Variants in KIRREL3 observed in about 807,000 individuals in gnomAD.
KIRREL3 encodes kirre like nephrin family adhesion molecule 3, also known as kin of IRRE-like protein 3.
In KIRREL3, 36 loss-of-function variants were observed where a neutral mutation model predicts 89.7. The ratio of observed to expected loss-of-function variants is 0.40; its 90% CI spans 0.31 to 0.53. KIRREL3 has a LOEUF of 0.53. KIRREL3 is among the 20% of genes least tolerant of loss of function. The probability of loss-of-function intolerance (pLI) is 0.49; values close to 1 mark genes in which losing one functional copy is unlikely to be tolerated. For synonymous variants in KIRREL3, 445 were observed against 441.4 expected, an observed-to-expected ratio of 1.01 and a Z score of -0.10; for missense variants, 864 against 1,056.6, an observed-to-expected ratio of 0.82 and a Z score of 2.53.
chr11:126,449,847 G>A (rs750330450), intron 7 of KIRREL3, among the ~76,000 whole-genome samples: 5 of 152,122 alleles, frequency 3.3e-5, no homozygotes, highest in African/African-American at 7.2e-5. Context: ...GTGTCTCCTC[G>A]CCCCAGAAAG....
intron 4 of KIRREL3, among the ~76,000 whole-genome samples, chr11:126,493,019 G>A (rs1357077331): frequency 6.6e-6 from 1 of 152,252 alleles, no homozygotes; most frequent in Non-Finnish European, 1.5e-5. Context: ...GCAGGAATTG[G>A]CACTGCTTGT....
Position 126,551,985 on chromosome 11 carries a change from C to G in KIRREL3, c.133+10850G>C, listed in dbSNP as rs972697605. ...AGATTTGAAGAAAAGATTCCAAAACCAGGAGTGGTCCCAGCAAACACAGCT... is the reference window on the plus strand; with the variant it reads ...AGATTTGAAGAAAAGATTCCAAAACGAGGAGTGGTCCCAGCAAACACAGCT... On this transcript the variant is annotated intron_variant, in intron 2 of 16. Coordinates refer to ENST00000525144, the MANE Select transcript of KIRREL3 (RefSeq NM_032531.4). This position sits in a 1 kb window ranked among gnomAD's most constrained non-coding sequence, Gnocchi z 4.9. Among the ~76,000 whole-genome samples the G allele has an allele frequency of 4.6e-5, 7 of 152,202 alleles. No individual in the cohort carries two copies. The highest frequency in any genetic ancestry group is 1.3e-4 in the Admixed American group (2 of 15,274).
chr11:126,517,798 AT>A (rs1958466217), intron 4 of KIRREL3, among the ~76,000 whole-genome samples: 1 of 152,086 alleles, frequency 6.6e-6, no homozygotes, highest in Non-Finnish European at 1.5e-5. Flanking sequence ...ACCACCTCTC[AT>A]TTTACAGATG....
chr11:126,929,957 C>A (rs34867739), intron 1 of KIRREL3, among the ~76,000 whole-genome samples: 48,079 of 151,126 alleles, frequency 0.32, 7,972 homozygotes, highest in East Asian at 0.46. Context: ...CACCCCCCCC[C>A]CCCCACCTCA....
At chr11:126,626,099 A>G (rs764259076) in intron 1 of KIRREL3, among the ~76,000 whole-genome samples, 10 of 152,208 alleles carry the variant, frequency 6.6e-5, no homozygotes, top group Admixed American at 3.9e-4. Context: ...GACTATCAGT[A>G]GGGTATAGGG....
chr11:126,921,612 A>T (rs1485167388), intron 1 of KIRREL3, among the ~76,000 whole-genome samples: 2 of 38,084 alleles, frequency 5.3e-5, no homozygotes, highest in African/African-American at 2.1e-4. Flanking sequence ...CTATCTATCT[A>T]TCTATCTATC....
rs574591523 is a variant in KIRREL3 at position 126,946,951 on chromosome 11, C to A, written c.55+53504G>T. 1.1e-3 allele frequency among the ~76,000 whole-genome samples: 166 copies of A among 152,114 alleles called. 1 individual carries two copies. Among genetic ancestry groups the A allele is most frequent in the Non-Finnish European group, 2.1e-3 (140 of 68,008 alleles). On this transcript the variant is annotated intron_variant, in intron 1 of 16. Transcript: ENST00000525144. This position sits in a 1 kb window ranked among gnomAD's most constrained non-coding sequence, Gnocchi z 4.1. ...AGGCATTGAGTGGTTAAATAACTTC[C>A]TAGGCACACTGCTTGCAAATGGCAG...
intron 6 of KIRREL3, 135 bp from the exon 7 acceptor site, chr11:126,456,589 G>A: frequency 3.2e-6 from 2 of 620,446 alleles, no homozygotes; most frequent in South Asian, 3.9e-5. Flanking sequence ...GTGGTCTTCA[G>A]GAAGCTGGGG....
At chr11:126,921,853 A>G (rs1947330623) in intron 1 of KIRREL3, among the ~76,000 whole-genome samples, 2 of 138,624 alleles carry the variant, frequency 1.4e-5, no homozygotes, top group Non-Finnish European at 3.1e-5. Context: ...TCTATCATCT[A>G]TCTTTCTGTC....
intron 4 of KIRREL3, among the ~76,000 whole-genome samples, chr11:126,497,489 C>CA (rs1340300748): frequency 6.6e-6 from 1 of 152,234 alleles, no homozygotes; most frequent in Admixed American, 6.5e-5. Flanking sequence ...CACCAGCCTA[C>CA]AGTGGCCGCA....
intron 1 of KIRREL3, among the ~76,000 whole-genome samples, chr11:126,926,801 C>T (rs1364816066): frequency 6.6e-6 from 1 of 152,172 alleles, no homozygotes; most frequent in African/African-American, 2.4e-5. Context: ...AAAATGAAAG[C>T]AAAGGAGAAA....
intron 5 of KIRREL3, among the ~76,000 whole-genome samples, chr11:126,467,318 G>T (rs1368167805): frequency 2.6e-5 from 4 of 152,210 alleles, no homozygotes; most frequent in Admixed American, 2.6e-4. Flanking sequence ...GGCCTGGGAG[G>T]CCGGTCTTCC....
intron 10 of KIRREL3, chr11:126,440,934 G>A (rs535154641): frequency 7.6e-6 from 2 of 261,940 alleles, no homozygotes; most frequent in African/African-American, 2.2e-5. Flanking sequence ...GAGGGGGTGG[G>A]GAGGTGTCTA....
chr11:126,979,245 G>A (rs932292101), intron 1 of KIRREL3, among the ~76,000 whole-genome samples: 3 of 152,188 alleles, frequency 2.0e-5, no homozygotes, highest in Non-Finnish European at 2.9e-5. Flanking sequence ...AGAAATGAGA[G>A]TATGAGTTTC....
intron 4 of KIRREL3, among the ~76,000 whole-genome samples, chr11:126,481,621 C>A (rs979697512): frequency 6.6e-6 from 1 of 152,208 alleles, no homozygotes; most frequent in African/African-American, 2.4e-5. Context: ...TCTCAGTCAC[C>A]CTGTCTTGCC....
chr11:126,679,664 G>T (rs968796175), intron 1 of KIRREL3, among the ~76,000 whole-genome samples: 2 of 152,140 alleles, frequency 1.3e-5, no homozygotes, highest in East Asian at 1.9e-4. Flanking sequence ...CTTAAAGTCT[G>T]GTTGGCATAA....
rs1565492012 is a variant in KIRREL3, at chr11:126,485,728, T to C, written c.434-12262A>G. On this transcript the variant is annotated intron_variant, in intron 4 of 16. Transcript: ENST00000525144. This position sits in a 1 kb window ranked among gnomAD's most constrained non-coding sequence, Gnocchi z 5.8. ...ATGGGCTTGTTTCCACCTCTTGTTC[T>C]GCTATTACCTTGTTCCATGCCCAGC... 6.6e-6 allele frequency among the ~76,000 whole-genome samples: 1 copy of C among 152,386 alleles called. No homozygotes were observed. Among genetic ancestry groups the C allele is most frequent in the East Asian group, 1.9e-4 (1 of 5,192 alleles).
At chr11:126,707,505 T>G (rs899205682) in intron 1 of KIRREL3, among the ~76,000 whole-genome samples, 1 of 152,166 alleles carries the variant, frequency 6.6e-6, no homozygotes, top group Non-Finnish European at 1.5e-5. Flanking sequence ...CCCAGGTATA[T>G]ATTTGGGCCT....
rs78266269 is a variant in KIRREL3, at chr11:126,513,024, G to A, written c.433+8291C>T. Reference sequence around the variant, plus strand: ...GCGTCCCAGCTCCCCAGTGAGGGCCGTTTGTCCTGCTTGGGTCTGGAGAGT... The same window carrying A: ...GCGTCCCAGCTCCCCAGTGAGGGCCATTTGTCCTGCTTGGGTCTGGAGAGT... On this transcript the variant is annotated intron_variant, in intron 4 of 16. Transcript: ENST00000525144. The surrounding 1 kb of genome is among the most constrained non-coding windows in gnomAD (Gnocchi z 5.9). Among the ~76,000 whole-genome samples the A allele has an allele frequency of 0.011, 1,671 of 152,220 alleles. 33 individuals are homozygous for A. Among genetic ancestry groups the A allele is most frequent in the African/African-American group, 0.038 (1,562 of 41,524 alleles).
Sources: gnomAD v4.1 joint callset for allele counts (sites outside exome capture counted in the v4.1 genomes callset) on GRCh38, gnomAD v4.1.1 for gene constraint, Gnocchi (gnomAD v3.1) non-coding constraint, MANE v1.5 for transcripts, NCBI Gene and HGNC (gene_info 2026-07-23, HGNC 2026-07-21) for gene names.